The following NTRK3 variants were observed in gnomAD, a reference collection of about 807,000 sequenced individuals.
The protein encoded by NTRK3 is NT-3 growth factor receptor.
Under a neutral mutation model 91.7 loss-of-function variants are expected in NTRK3, and 24 were observed. The observed-to-expected ratio is 0.26, with a 90% CI of 0.19 to 0.37. The LOEUF is 0.37. NTRK3 is among the 10% of genes least tolerant of loss of function. NTRK3 has a pLI of 1.00. For missense variants in NTRK3, 880 were observed against 1,068.9 expected, an observed-to-expected ratio of 0.82 and a Z score of 2.46; for synonymous variants, 483 against 404.0, an observed-to-expected ratio of 1.20 and a Z score of -2.34.
intron 3 of NTRK3, among the ~76,000 whole-genome samples, chr15:88,229,520 C>G (rs2050985521): frequency 6.6e-6 from 1 of 152,192 alleles, no homozygotes; most frequent in African/African-American, 2.4e-5. Context: ...GCCTTCGTCA[C>G]TCCCATCCAA....
intron 13 of NTRK3, among the ~76,000 whole-genome samples, chr15:88,047,066 A>T (rs1235000754): frequency 6.6e-6 from 1 of 152,162 alleles, no homozygotes; most frequent in Non-Finnish European, 1.5e-5. Context: ...ATGTACTCTA[A>T]GCCCCTTCAG....
At chr15:88,045,516 TA>T (rs2080092968) in intron 13 of NTRK3, among the ~76,000 whole-genome samples, 1 of 152,256 alleles carries the variant, frequency 6.6e-6, no homozygotes, top group Non-Finnish European at 1.5e-5. Flanking sequence ...CCCCAAGTGC[TA>T]CCCCAGACAC....
intron 14 of NTRK3, among the ~76,000 whole-genome samples, chr15:87,993,724 T>C (rs934699427): frequency 1.3e-5 from 2 of 152,088 alleles, no homozygotes; most frequent in African/African-American, 4.8e-5. Flanking sequence ...GTATATCAAA[T>C]CCCTGCTTGC....
At chr15:87,989,380 A>C (rs1282873064) in intron 14 of NTRK3, among the ~76,000 whole-genome samples, 3 of 152,212 alleles carry the variant, frequency 2.0e-5, no homozygotes, top group South Asian at 2.1e-4. Flanking sequence ...GGAAACCATC[A>C]TTCTCAGCAA....
chr15:88,031,371 C>T (rs2078517765), intron 14 of NTRK3, among the ~76,000 whole-genome samples: 1 of 152,178 alleles, frequency 6.6e-6, no homozygotes, highest in South Asian at 2.1e-4. Context: ...TCAGTATCAA[C>T]CCTAGACTGA....
intron 14 of NTRK3, among the ~76,000 whole-genome samples, chr15:87,990,313 C>T (rs2075187745): frequency 1.3e-5 from 2 of 152,192 alleles, no homozygotes; most frequent in African/African-American, 4.8e-5. Flanking sequence ...GTGAGTCTAG[C>T]TCTGATCCTC....
At chr15:88,066,204 A>G (rs1190793192) in intron 13 of NTRK3, among the ~76,000 whole-genome samples, 2 of 152,230 alleles carry the variant, frequency 1.3e-5, no homozygotes, top group African/African-American at 4.8e-5. Context: ...CTCACCCCAG[A>G]ACAAGGCTAG....
At chr15:88,188,561 A>G (rs944301201) in intron 3 of NTRK3, among the ~76,000 whole-genome samples, 1 of 152,242 alleles carries the variant, frequency 6.6e-6, no homozygotes, top group Non-Finnish European at 1.5e-5. Flanking sequence ...GGGCTATTAA[A>G]GCAAGAGTCT....
At chr15:88,136,578 G>C in exon 8 of NTRK3, 1 of 1,613,574 alleles carries the variant, frequency 6.2e-7, no homozygotes. Flanking sequence ...GTACGGTCAG[G>C]TTGACGTGGC....
intron 13 of NTRK3, among the ~76,000 whole-genome samples, chr15:88,072,144 T>C (rs1195837439): frequency 6.6e-6 from 1 of 151,856 alleles, no homozygotes; most frequent in African/African-American, 2.4e-5. Flanking sequence ...TAGCTGGGAT[T>C]ACAGGCACCG....
At chr15:88,229,407 C>T (rs966401586) in intron 3 of NTRK3, among the ~76,000 whole-genome samples, 5 of 152,162 alleles carry the variant, frequency 3.3e-5, no homozygotes, top group African/African-American at 9.7e-5. Flanking sequence ...CATCCCAAAG[C>T]TTGTTGAGTG....
chr15:87,971,950 C>T (rs931175893), intron 14 of NTRK3, among the ~76,000 whole-genome samples: 18 of 152,256 alleles, frequency 1.2e-4, no homozygotes, highest in African/African-American at 3.6e-4. Flanking sequence ...AACGACATTA[C>T]GAGGTCCCAA....
At chr15:88,171,722 A>C (rs940423995) in intron 5 of NTRK3, among the ~76,000 whole-genome samples, 28 of 152,226 alleles carry the variant, frequency 1.8e-4, no homozygotes, top group Non-Finnish European at 1.8e-4. Flanking sequence ...AAGAATGCAA[A>C]GTGAAAGAGT....
chr15:87,902,210 A>T (rs2066498275), intron 17 of NTRK3, among the ~76,000 whole-genome samples: 1 of 152,254 alleles, frequency 6.6e-6, no homozygotes, highest in Non-Finnish European at 1.5e-5. Flanking sequence ...GAAGCCAGTC[A>T]TGGACTTTGC....
At position 88,125,905 on chromosome 15, in the gene NTRK3, G is replaced by A. The variant is rs144300840; in HGVS notation, c.1396+366C>T. On this transcript the variant is annotated intron_variant, in intron 13 of 18. Transcript: ENST00000394480. ...CAACTTCAAAAACAAGAGGAAAACC[G>A]TGTCCTCAAACTAGGAGTCCCTTTA... Among the ~76,000 whole-genome samples the A allele has an allele frequency of 7.3e-3, 1,111 of 152,248 alleles. 7 individuals are homozygous for A. The highest frequency in any genetic ancestry group is 0.011 in the Non-Finnish European group (773 of 68,014).
intron 5 of NTRK3, among the ~76,000 whole-genome samples, chr15:88,163,295 A>T (rs370650366): frequency 1.5e-3 from 231 of 152,294 alleles, no homozygotes; most frequent in African/African-American, 5.4e-3. Context: ...TGTTGAGCTG[A>T]TCTATAATGA....
At chr15:87,973,298 C>T (rs1051127851) in intron 14 of NTRK3, among the ~76,000 whole-genome samples, 1 of 152,190 alleles carries the variant, frequency 6.6e-6, no homozygotes, top group African/African-American at 2.4e-5. Flanking sequence ...TCACTCTATG[C>T]AAGTTTTATC....
At chr15:88,207,684 A>G (rs2048910055) in intron 3 of NTRK3, among the ~76,000 whole-genome samples, 1 of 152,086 alleles carries the variant, frequency 6.6e-6, no homozygotes, top group South Asian at 2.1e-4. Context: ...TGCAGGCAAA[A>G]GAAGCAGGTC....
chr15:87,873,887 G>A (rs1325378596), exon 19 of NTRK3: 3 of 230,696 alleles, frequency 1.3e-5, no homozygotes, highest in Non-Finnish European at 2.6e-5. Flanking sequence ...GCCTTGCCCA[G>A]GCCCAGTGAG....
Sources: gnomAD v4.1 joint callset for allele counts (sites outside exome capture counted in the v4.1 genomes callset) on GRCh38, gnomAD v4.1.1 for gene constraint, MANE v1.5 for transcripts, NCBI Gene and HGNC (gene_info 2026-07-23, HGNC 2026-07-21) for gene names.